ZNF407: variants seen among roughly 807,000 people sequenced by gnomAD.
ZNF407 encodes the protein zinc finger protein 407.
Under a neutral mutation model 131.2 loss-of-function variants are expected in ZNF407, and 17 were observed. That is an observed-to-expected ratio of 0.13 (90% CI 0.09 to 0.19). The LOEUF is 0.19. ZNF407 is among the 10% of genes least tolerant of loss of function. ZNF407 has a pLI of 1.00. For synonymous variants in ZNF407, 1,156 were observed against 1,062.0 expected, an observed-to-expected ratio of 1.09 and a Z score of -1.72; for missense variants, 2,681 against 2,830.6, an observed-to-expected ratio of 0.95 and a Z score of 1.20.
intron 7 of ZNF407, among the ~76,000 whole-genome samples, chr18:74,915,444 G>A (rs1272235776): frequency 4.4e-5 from 6 of 137,462 alleles, no homozygotes; most frequent in Non-Finnish European, 6.2e-5. Context: ...TACTGGTATG[G>A]TGAGGTTGTG....
chr18:74,813,450 C>T (rs553577915), intron 4 of ZNF407, among the ~76,000 whole-genome samples: 2 of 139,068 alleles, frequency 1.4e-5, no homozygotes, highest in African/African-American at 6.4e-5. Context: ...CAGAACACTT[C>T]GCTCTGCGTC....
chr18:74,919,119 T>G (rs553148039), intron 7 of ZNF407, among the ~76,000 whole-genome samples: 1 of 152,304 alleles, frequency 6.6e-6, no homozygotes, highest in African/African-American at 2.4e-5. Flanking sequence ...CCTTTCCTAG[T>G]GCCATTTACA....
At chr18:74,842,615 TG>T in intron 4 of ZNF407, among the ~76,000 whole-genome samples, 1 of 152,190 alleles carries the variant, frequency 6.6e-6, no homozygotes, top group East Asian at 1.9e-4. Flanking sequence ...TGTGTGTGTG[TG>T]TGTGTGTGAG....
At chr18:74,636,553 A>G (rs1984472817) in intron 2 of ZNF407, among the ~76,000 whole-genome samples, 1 of 152,212 alleles carries the variant, frequency 6.6e-6, no homozygotes, top group African/African-American at 2.4e-5. Flanking sequence ...ACATATTTTC[A>G]TTAAAACTGT....
intron 3 of ZNF407, among the ~76,000 whole-genome samples, chr18:74,642,025 T>TG (rs1984745521): frequency 6.6e-6 from 1 of 151,724 alleles, no homozygotes; most frequent in South Asian, 2.1e-4. Context: ...ATATTAGGTT[T>TG]TTTTTTTAGT....
intron 3 of ZNF407, among the ~76,000 whole-genome samples, chr18:74,674,952 T>C (rs1986296567): frequency 2.0e-5 from 3 of 152,214 alleles, no homozygotes; most frequent in Admixed American, 2.0e-4. Flanking sequence ...GTTTTTTTCT[T>C]TGGGCACCAG....
At position 74,881,030 on chromosome 18, in the gene ZNF407, C is replaced by G; in HGVS notation, c.5045-6C>G. The G allele has an allele frequency of 1.3e-6, 2 of 1,588,020 alleles. No individual in the cohort carries two copies. Among genetic ancestry groups the G allele is most frequent in the Non-Finnish European group, 8.6e-7 (1 of 1,166,318 alleles). On this transcript the variant is annotated splice_polypyrimidine_tract_variant and splice_region_variant and intron_variant, in intron 5 of 8. Coordinates refer to ENST00000299687, the MANE Select transcript of ZNF407 (RefSeq NM_017757.3). The stretch of plus-strand genomic sequence containing the variant: ...GCAGTCCCTCATCTGTTTGTTGTTG[C>G]AACAGGCGAGAAGTCGTTTCTGTGT...
At chr18:74,922,811 C>T (rs1226421336) in intron 8 of ZNF407, among the ~76,000 whole-genome samples, 2 of 152,162 alleles carry the variant, frequency 1.3e-5, no homozygotes, top group African/African-American at 4.8e-5. Context: ...TATCCCTAGT[C>T]CCTGCTGTGC....
chr18:75,042,058 C>CTTT (rs74265948), intron 8 of ZNF407, among the ~76,000 whole-genome samples: 4 of 141,560 alleles, frequency 2.8e-5, no homozygotes, highest in African/African-American at 5.2e-5. Context: ...CATTTCTTTC[C>CTTT]TTTTTTTTTT....
At chr18:74,907,678 C>T (rs995964025) in intron 7 of ZNF407, among the ~76,000 whole-genome samples, 1 of 152,142 alleles carries the variant, frequency 6.6e-6, no homozygotes, top group East Asian at 1.9e-4. Context: ...ATTTACAACC[C>T]GTTTCTCTCT....
chr18:74,631,659 G>A lies in ZNF407; in HGVS notation c.640G>A (p.Glu214Lys), dbSNP rs1237055835. The change falls in exon 2 of 9, where the codon GAA becomes AAA. Residue 214 changes from glutamate to lysine, a missense_variant. By Grantham distance (56) the Glu-to-Lys change is moderately conservative. Transcript: ENST00000299687. ...TGAGTCTCACATGCAGCAGCCTAAG[G>A]AACATACCTGTTGTCACTGCAGCCA... ...HAESHMQQPK[E>K]HTCCHCSHKA... is the part of the protein sequence containing the mutation. The A allele has an allele frequency of 4.3e-6, 7 of 1,613,790 alleles. No homozygotes were observed. Among genetic ancestry groups the A allele is most frequent in the South Asian group, 1.1e-5 (1 of 91,076 alleles).
At chr18:74,898,213 G>A (rs1311123375) in intron 7 of ZNF407, 2 of 152,136 alleles carry the variant, frequency 1.3e-5, no homozygotes, top group East Asian at 1.9e-4. Flanking sequence ...TGCCTTCTGT[G>A]TGGTAGCATT....
Position 74,726,897 on chromosome 18 carries a change from G to A in ZNF407, c.4803-54531G>A, listed in dbSNP as rs777716320. Among the ~76,000 whole-genome samples, 49 of 152,080 alleles carry A rather than the reference G, an allele frequency of 3.2e-4. 1 individual carries two copies. Among genetic ancestry groups the A allele is most frequent in the Non-Finnish European group, 1.2e-4 (8 of 68,020 alleles). ...GAGTCTTGGGCATGTGCAGTATTTCGGTGCATCTTATTGGAGGTGAGAAGA... is the reference window on the plus strand; with the variant it reads ...GAGTCTTGGGCATGTGCAGTATTTCAGTGCATCTTATTGGAGGTGAGAAGA... On this transcript the variant is annotated intron_variant, in intron 3 of 8. Coordinates refer to ENST00000299687, the MANE Select transcript of ZNF407 (RefSeq NM_017757.3).
intron 3 of ZNF407, among the ~76,000 whole-genome samples, chr18:74,684,101 T>C (rs894377142): frequency 2.6e-5 from 4 of 152,194 alleles, no homozygotes; most frequent in Admixed American, 2.6e-4. Flanking sequence ...AATAAGTTTC[T>C]GTAAAGTCTG....
In ZNF407 at chr18:74,892,632, G is replaced by A. The variant is rs1045359691; in HGVS notation, c.5249+2594G>A. ...CGTTGTTTAGAATACCTGCCAATAT[G>A]CTTTTCTTAAAAAACAGTTTTTGAA... On this transcript the variant is annotated intron_variant, in intron 7 of 8. Coordinates refer to ENST00000299687, the MANE Select transcript of ZNF407 (RefSeq NM_017757.3). Among the ~76,000 whole-genome samples, 3 of 152,192 alleles carry A rather than the reference G, an allele frequency of 2.0e-5. No individual in the cohort carries two copies. In the East Asian group the frequency reaches 5.8e-4, roughly 29 times the overall value.
chr18:74,980,255 CTTT>C (rs5826360), intron 8 of ZNF407, among the ~76,000 whole-genome samples: 13 of 138,786 alleles, frequency 9.4e-5, no homozygotes, highest in Admixed American at 3.6e-4. Context: ...CTTCCCCATG[CTTT>C]TTTTTTTTTT....
In ZNF407 at chr18:74,900,335, G is replaced by C. The variant is rs1483933776; in HGVS notation, c.5249+10297G>C. On this transcript the variant is annotated intron_variant, in intron 7 of 8. Transcript: ENST00000299687. ...TGCGATAAGAACTTCCCACCTTTTGGGGGTACTGCATGGCACCACATTTTA... is the reference window on the plus strand; with the variant it reads ...TGCGATAAGAACTTCCCACCTTTTGCGGGTACTGCATGGCACCACATTTTA... Among the ~76,000 whole-genome samples, 10 of 152,202 alleles carry C rather than the reference G, an allele frequency of 6.6e-5. No homozygotes were observed. In the East Asian group the frequency reaches 1.7e-3, roughly 26 times the overall value.
intron 3 of ZNF407, among the ~76,000 whole-genome samples, chr18:74,717,726 T>C (rs1229536875): frequency 1.3e-5 from 2 of 152,236 alleles, no homozygotes; most frequent in African/African-American, 4.8e-5. Flanking sequence ...CAAAATGCTT[T>C]GGACCAGATG....
In ZNF407 at chr18:74,977,528, C is replaced by T. The variant is rs572574079; in HGVS notation, c.5428+56836C>T. Among the ~76,000 whole-genome samples the T allele has an allele frequency of 2.0e-5, 3 of 152,344 alleles. No individual in the cohort carries two copies. The South Asian group carries it at 6.2e-4, about 32-fold the overall frequency. On this transcript the variant is annotated intron_variant, in intron 8 of 8. Transcript: ENST00000299687. ...AAAGATGGCTCATTTTAAGCCCCTT[C>T]TTGACTTTAAGTCTAAACAGATGTT...
Sources: allele counts gnomAD v4.1 joint callset (sites outside exome capture counted in the v4.1 genomes callset), GRCh38; gene constraint gnomAD v4.1.1; transcripts MANE v1.5; gene names NCBI Gene and HGNC (gene_info 2026-07-23, HGNC 2026-07-21).